The following GPHN variants were observed in gnomAD, a reference collection of about 807,000 sequenced individuals.
GPHN encodes the protein gephyrin.
GPHN carries 17 observed loss-of-function variants against 95.5 expected under a neutral mutation model. That is an observed-to-expected ratio of 0.18 (90% confidence interval 0.12 to 0.27). GPHN has a LOEUF of 0.27. Ranked by LOEUF, GPHN falls within the 10% of genes least tolerant of loss-of-function variation. The pLI, the probability that GPHN is intolerant of heterozygous loss-of-function variation, is 1.00. For missense variants in GPHN, 660 were observed against 978.1 expected (o/e 0.67, Z 4.34); for synonymous variants, 320 against 322.5 (o/e 0.99, Z 0.08).
chr14:66,841,671 A>G (rs1215744557), intron 4 of GPHN, among the ~76,000 whole-genome samples: 2 of 152,210 alleles, frequency 1.3e-5, no homozygotes, highest in Non-Finnish European at 2.9e-5. Flanking sequence ...GGGGAAGATC[A>G]GGAATTTTAC....
the GPHN span, chr14:67,454,031 A>C: frequency 7.9e-5 from 12 of 152,096 alleles, 1 homozygote; most frequent in South Asian, 2.1e-4. Context: ...AGCAAGACAG[A>C]CTTCTGGAAC....
chr14:67,596,344 T>C, the GPHN span, among the ~76,000 whole-genome samples: 2 of 134,666 alleles, frequency 1.5e-5, no homozygotes, highest in Non-Finnish European at 3.1e-5. Flanking sequence ...TTTCACTATG[T>C]TGGCCTGGCT....
At chr14:67,344,612 C>T in the GPHN span, among the ~76,000 whole-genome samples, 1 of 152,096 alleles carries the variant, frequency 6.6e-6, no homozygotes, top group African/African-American at 2.4e-5. Flanking sequence ...GGTGAGGTGG[C>T]TCACACTTAT....
chr14:66,541,526 T>C (rs1185278363), intron 1 of GPHN, among the ~76,000 whole-genome samples: 1 of 152,242 alleles, frequency 6.6e-6, no homozygotes, highest in Admixed American at 6.5e-5. Context: ...GTTTATATAG[T>C]CATTTATTTG....
intron 8 of GPHN, among the ~76,000 whole-genome samples, chr14:66,925,864 C>G (rs114681625): frequency 7.7e-4 from 118 of 152,282 alleles, no homozygotes; most frequent in African/African-American, 2.7e-3. Context: ...TACATTCCCA[C>G]CAATAGCGAA....
At chr14:67,351,693 TTC>T in the GPHN span, among the ~76,000 whole-genome samples, 3 of 151,652 alleles carry the variant, frequency 2.0e-5, no homozygotes, top group East Asian at 1.9e-4. Context: ...CTTCTTCTTC[TTC>T]TTTTTTGTAG....
At chr14:67,543,799 T>G in the GPHN span, among the ~76,000 whole-genome samples, 5 of 151,800 alleles carry the variant, frequency 3.3e-5, no homozygotes, top group African/African-American at 1.2e-4. Context: ...AAACCCACTA[T>G]GAATCACCTG....
chr14:66,940,094 A>G (rs2067332756), intron 8 of GPHN, among the ~76,000 whole-genome samples: 1 of 152,094 alleles, frequency 6.6e-6, no homozygotes, highest in Admixed American at 6.5e-5. Context: ...CTGTCCCCTG[A>G]GCTCAATCCT....
chr14:67,645,625 T>A, the GPHN span: 2 of 1,609,226 alleles, frequency 1.2e-6, no homozygotes, highest in South Asian at 2.2e-5. Context: ...CCTTCAAGAT[T>A]ATACTTGTTC....
intron 5 of GPHN, 137 bp from the exon 6 acceptor site, chr14:66,915,866 G>A: frequency 2.8e-6 from 2 of 704,888 alleles, no homozygotes; most frequent in Admixed American, 4.1e-5. Flanking sequence ...AGCAAGCAGT[G>A]AATGTCTTAA....
chr14:67,041,956 C>G (rs1053376926), intron 10 of GPHN, among the ~76,000 whole-genome samples: 2 of 152,104 alleles, frequency 1.3e-5, no homozygotes, highest in East Asian at 3.8e-4. Flanking sequence ...ATTTGCATTT[C>G]TCTAATGACC....
chr14:67,411,315 A>C, the GPHN span, among the ~76,000 whole-genome samples: 1 of 152,244 alleles, frequency 6.6e-6, no homozygotes, highest in South Asian at 2.1e-4. Context: ...GGGAGGTCAG[A>C]ACATGCAGTT....
chr14:67,317,329 A>G, the GPHN span: 9 of 1,247,354 alleles, frequency 7.2e-6, no homozygotes, highest in East Asian at 1.5e-4. Context: ...ATGAATGAAT[A>G]AATAGAGTTC....
chr14:67,686,948 G>A, the GPHN span, among the ~76,000 whole-genome samples: 1 of 152,060 alleles, frequency 6.6e-6, no homozygotes, highest in African/African-American at 2.4e-5. Context: ...CTGCCTACTC[G>A]ACATCTCCCT....
At chr14:66,693,850 A>T (rs1595576891) in intron 2 of GPHN, among the ~76,000 whole-genome samples, 1 of 152,184 alleles carries the variant, frequency 6.6e-6, no homozygotes, top group African/African-American at 2.4e-5. Flanking sequence ...TTTTCATAAT[A>T]CTCTGTTAAG....
At chr14:67,251,444 G>A in the GPHN span, among the ~76,000 whole-genome samples, 1,837 of 152,192 alleles carry the variant, frequency 0.012, 19 homozygotes, top group Non-Finnish European at 0.018. Context: ...AAAGTGAGAG[G>A]ATTTCTTGAG....
intron 1 of GPHN, among the ~76,000 whole-genome samples, chr14:66,596,025 C>T (rs929637049): frequency 6.6e-6 from 1 of 152,012 alleles, no homozygotes; most frequent in Admixed American, 6.5e-5. Flanking sequence ...GGCATCCTGA[C>T]AAGTGTTCAG....
the GPHN span, among the ~76,000 whole-genome samples, chr14:67,636,576 G>T: frequency 1.3e-5 from 2 of 152,338 alleles, no homozygotes; most frequent in South Asian, 4.1e-4. Context: ...GCTAAGGTCA[G>T]GTAAGGCTGT....
chr14:67,484,519 C>A, the GPHN span, among the ~76,000 whole-genome samples: 1 of 152,178 alleles, frequency 6.6e-6, no homozygotes, highest in African/African-American at 2.4e-5. Flanking sequence ...ACATAGAAAG[C>A]AAAAGTTCCC....
Sources: gnomAD v4.1 joint callset for allele counts (sites outside exome capture counted in the v4.1 genomes callset) on GRCh38, gnomAD v4.1.1 for gene constraint, MANE v1.5 for transcripts, NCBI Gene and HGNC (gene_info 2026-07-23, HGNC 2026-07-21) for gene names.